The following GLIS3 variants were observed in gnomAD, a reference collection of about 807,000 sequenced individuals.
The protein encoded by GLIS3 is GLIS family zinc finger 3, also known as zinc finger protein GLIS3.
Under a neutral mutation model 78.6 loss-of-function variants are expected in GLIS3, and 53 were observed. That is an observed-to-expected ratio of 0.67 (90% CI 0.54 to 0.85). The LOEUF is 0.85. GLIS3 is among the 40% of genes least tolerant of loss of function. The probability of loss-of-function intolerance (pLI) is 0.00; values close to 1 mark genes in which losing one functional copy is unlikely to be tolerated. For synonymous variants in GLIS3, 684 were observed against 509.9 expected (o/e 1.34, Z -4.60); for missense variants, 1,703 against 1,231.1 (o/e 1.38, Z -5.74).
At chr9:4,070,915 A>T (rs1481885361) in intron 4 of GLIS3, 2 of 152,182 alleles carry the variant, frequency 1.3e-5, no homozygotes, top group East Asian at 1.9e-4. Flanking sequence ...ACCCTGCTTT[A>T]TGTACCTGTA....
At chr9:4,243,353 G>A (rs1174536868) in intron 2 of GLIS3, among the ~76,000 whole-genome samples, 4 of 151,722 alleles carry the variant, frequency 2.6e-5, no homozygotes, top group Non-Finnish European at 4.4e-5. Context: ...GGTGATCCCA[G>A]TAGACAGAAC....
intron 6 of GLIS3, among the ~76,000 whole-genome samples, chr9:3,920,617 T>TG (rs907149449): frequency 5.3e-5 from 8 of 151,456 alleles, no homozygotes; most frequent in Admixed American, 2.6e-4. Context: ...AGGTTTTTTT[T>TG]TTTTTTTTTT....
At position 4,023,114 on chromosome 9, in the gene GLIS3, C is replaced by T. The variant is rs10974281; in HGVS notation, c.1711-85925G>A. Among the ~76,000 whole-genome samples the T allele has an allele frequency of 6.6e-5, 10 of 152,098 alleles. No homozygotes were observed. In the South Asian group the frequency reaches 8.3e-4, roughly 13 times the overall value. On this transcript the variant is annotated intron_variant, in intron 4 of 10. Transcript: ENST00000381971. Reference sequence around the variant, plus strand: ...TGAAAACAAATTATATAGGTTTGTACGCATTTACATATTGAACTCCAGTGA... The same window carrying T: ...TGAAAACAAATTATATAGGTTTGTATGCATTTACATATTGAACTCCAGTGA...
chr9:4,359,605 A>G, the GLIS3 span, among the ~76,000 whole-genome samples: 1,181 of 152,276 alleles, frequency 7.8e-3, 4 homozygotes, highest in Non-Finnish European at 0.013. Context: ...TGTAGAAAGA[A>G]CTTGGGAGTA....
At chr9:4,289,631 T>A (rs1233052345) in intron 1 of GLIS3, among the ~76,000 whole-genome samples, 1 of 151,946 alleles carries the variant, frequency 6.6e-6, no homozygotes, top group African/African-American at 2.4e-5. Context: ...CTGTTCTCCA[T>A]CGAACTACTC....
intron 2 of GLIS3, among the ~76,000 whole-genome samples, chr9:4,129,837 G>A (rs995374691): frequency 6.6e-6 from 1 of 152,148 alleles, no homozygotes; most frequent in Non-Finnish European, 1.5e-5. Flanking sequence ...AAAGAGTGTG[G>A]AGGACTCAGA....
At chr9:4,174,066 A>C (rs957757957) in intron 2 of GLIS3, among the ~76,000 whole-genome samples, 1 of 152,222 alleles carries the variant, frequency 6.6e-6, no homozygotes, top group East Asian at 1.9e-4. Flanking sequence ...CCTCTTTAGG[A>C]AAGTCTAGTT....
chr9:4,192,255 C>T (rs958927466), intron 2 of GLIS3, among the ~76,000 whole-genome samples: 1 of 152,120 alleles, frequency 6.6e-6, no homozygotes, highest in East Asian at 1.9e-4. Flanking sequence ...TACACAGTGC[C>T]AGAAAATGTC....
chr9:3,868,647 G>C (rs1820764936), intron 8 of GLIS3, among the ~76,000 whole-genome samples: 1 of 152,132 alleles, frequency 6.6e-6, no homozygotes, highest in African/African-American at 2.4e-5. Context: ...TAACAGACTA[G>C]GGAGGAATTT....
At chr9:4,435,431 G>C in the GLIS3 span, among the ~76,000 whole-genome samples, 1 of 152,112 alleles carries the variant, frequency 6.6e-6, no homozygotes, top group African/African-American at 2.4e-5. Flanking sequence ...ACTTGCATGT[G>C]GAGCACATTC....
intron 8 of GLIS3, among the ~76,000 whole-genome samples, chr9:3,865,092 A>G (rs867732212): frequency 3.3e-5 from 5 of 152,292 alleles, no homozygotes; most frequent in African/African-American, 9.6e-5. Context: ...AATGAGCCTA[A>G]TGATGTTCTC....
At chr9:4,220,012 C>G (rs1217487795) in intron 2 of GLIS3, among the ~76,000 whole-genome samples, 1 of 152,158 alleles carries the variant, frequency 6.6e-6, no homozygotes, top group Non-Finnish European at 1.5e-5. Flanking sequence ...CTCAGAAAAT[C>G]TTTTTGTACC....
intron 4 of GLIS3, among the ~76,000 whole-genome samples, chr9:4,040,129 T>G (rs575776505): frequency 6.6e-6 from 1 of 152,226 alleles, no homozygotes; most frequent in African/African-American, 2.4e-5. Context: ...TGGCCAAATA[T>G]TTACCCATTA....
At chr9:4,068,635 CAA>C (rs1408804654) in intron 4 of GLIS3, among the ~76,000 whole-genome samples, 2 of 152,074 alleles carry the variant, frequency 1.3e-5, no homozygotes, top group Non-Finnish European at 2.9e-5. Flanking sequence ...AAGAATTTCA[CAA>C]GAGACATTCC....
chr9:4,004,166 G>A lies in GLIS3; in HGVS notation c.1711-66977C>T, dbSNP rs16920322. The stretch of plus-strand genomic sequence containing the variant: ...TGATATGTTAAAGGTTACGAAAAGG[G>A]AATTGCAAGTTCTTTTGGAGGAACA... On this transcript the variant is annotated intron_variant, in intron 4 of 10. Transcript: ENST00000381971. Among the ~76,000 whole-genome samples, 1,489 of 152,252 alleles carry A rather than the reference G, an allele frequency of 9.8e-3. 30 individuals are homozygous for A. The highest frequency in any genetic ancestry group is 0.033 in the African/African-American group (1,377 of 41,532).
the GLIS3 span, among the ~76,000 whole-genome samples, chr9:4,392,503 G>A: frequency 6.6e-6 from 1 of 152,164 alleles, no homozygotes; most frequent in Non-Finnish European, 1.5e-5. Context: ...GCTGGTATCT[G>A]TAACCCCTTC....
intron 4 of GLIS3, among the ~76,000 whole-genome samples, chr9:4,013,454 GATTC>G (rs1822198898): frequency 6.6e-6 from 1 of 152,194 alleles, no homozygotes; most frequent in Admixed American, 6.5e-5. Context: ...TGTCCTTGGA[GATTC>G]ATTGTTTCAT....
chr9:4,321,296 C>T (rs2130546715), intron 2 of GLIS3, among the ~76,000 whole-genome samples: 1 of 130,844 alleles, frequency 7.6e-6, no homozygotes, highest in African/African-American at 3.7e-5. Flanking sequence ...GTGGCGGGCG[C>T]CTGTAGTCCC....
the GLIS3 span, among the ~76,000 whole-genome samples, chr9:4,424,089 A>G: frequency 8.4e-3 from 1,282 of 152,354 alleles, 21 homozygotes; most frequent in African/African-American, 0.029. Flanking sequence ...AGAAAGTTCA[A>G]TTACAAGAAA....
Sources: allele counts gnomAD v4.1 joint callset (sites outside exome capture counted in the v4.1 genomes callset), GRCh38; gene constraint gnomAD v4.1.1; transcripts MANE v1.5; gene names NCBI Gene and HGNC (gene_info 2026-07-23, HGNC 2026-07-21).